The following CNKSR2 variants were observed in gnomAD, a reference collection of about 807,000 sequenced individuals.
CNKSR2 encodes the protein CNK homolog protein 2.
Under a neutral mutation model 84.4 loss-of-function variants are expected in CNKSR2, and 14 were observed. The ratio of observed to expected loss-of-function variants is 0.17; its 90% CI spans 0.11 to 0.26. The LOEUF (loss-of-function observed/expected upper bound fraction) is 0.26, where lower values mean the gene tolerates loss of function less well. Ranked by LOEUF, CNKSR2 falls within the 10% of genes least tolerant of loss-of-function variation. CNKSR2 has a pLI of 1.00. For synonymous variants in CNKSR2, 275 were observed against 277.9 expected, an observed-to-expected ratio of 0.99 and a Z score of 0.10; for missense variants, 485 against 771.2, an observed-to-expected ratio of 0.63 and a Z score of 4.40.
intron 13 of CNKSR2, among the ~76,000 whole-genome samples, chrX:21,571,976 G>GT (rs1189723179): frequency 8.9e-6 from 1 of 112,060 alleles, no homozygotes; most frequent in Non-Finnish European, 1.9e-5. Flanking sequence ...GAAGACAGCT[G>GT]TATTACAGAA....
chrX:21,598,011 A>T (rs1461594762), intron 17 of CNKSR2, among the ~76,000 whole-genome samples: 1 of 99,807 alleles, frequency 1.0e-5, no homozygotes, highest in African/African-American at 3.9e-5. Context: ...TCATACACAT[A>T]TATATATATA....
chrX:21,403,059 G>A (rs940351326), intron 1 of CNKSR2, among the ~76,000 whole-genome samples: 4 of 111,087 alleles, frequency 3.6e-5, no homozygotes, highest in African/African-American at 1.3e-4. Context: ...GCCTCCAAGT[G>A]GATTAGGTAT....
At chrX:21,474,347 A>G (rs1302012233) in intron 5 of CNKSR2, among the ~76,000 whole-genome samples, 2 of 111,538 alleles carry the variant, frequency 1.8e-5, no homozygotes, top group Non-Finnish European at 3.8e-5. Flanking sequence ...GACTCAGAAG[A>G]GACACTGGGA....
chrX:21,543,433 A>G (rs2091993982), intron 11 of CNKSR2, among the ~76,000 whole-genome samples: 1 of 112,639 alleles, frequency 8.9e-6, no homozygotes, highest in Admixed American at 9.4e-5. Flanking sequence ...GGTTAGCCTC[A>G]CAAAATAATT....
At chrX:21,416,199 T>C (rs1378315296) in intron 1 of CNKSR2, among the ~76,000 whole-genome samples, 1 of 112,076 alleles carries the variant, frequency 8.9e-6, no homozygotes, top group African/African-American at 3.2e-5. Context: ...AATGAAATGA[T>C]CAGATGGTTT....
chrX:21,532,123 A>C, intron 11 of CNKSR2, 56 bp downstream of exon 11: 5 of 894,440 alleles, frequency 5.6e-6, no homozygotes, highest in South Asian at 2.7e-5. Flanking sequence ...TAGGAATCTC[A>C]ATTTCCTTTA....
intron 5 of CNKSR2, among the ~76,000 whole-genome samples, chrX:21,477,475 G>T: frequency 9.2e-6 from 1 of 108,116 alleles, no homozygotes; most frequent in Admixed American, 9.9e-5. Flanking sequence ...GGCTTATTTT[G>T]GCATGTTAAG....
chrX:21,574,254 CT>C (rs1239242202), intron 13 of CNKSR2, among the ~76,000 whole-genome samples: 1 of 112,028 alleles, frequency 8.9e-6, no homozygotes, highest in African/African-American at 3.2e-5. Flanking sequence ...TCTTCCGAGT[CT>C]TCTAAACTGT....
intron 1 of CNKSR2, among the ~76,000 whole-genome samples, chrX:21,390,356 A>G (rs2146964129): frequency 9.0e-6 from 1 of 111,555 alleles, no homozygotes; most frequent in South Asian, 3.8e-4. Flanking sequence ...ATTTATAATG[A>G]AAAGAGGTTT....
intron 17 of CNKSR2, 31 bp downstream of exon 17, chrX:21,595,426 G>A: frequency 2.3e-6 from 2 of 869,431 alleles, no homozygotes; most frequent in Admixed American, 2.6e-5. Context: ...TAGAAGGTCA[G>A]TGAGGCCTAG....
At chrX:21,528,525 G>A (rs1181319947) in intron 10 of CNKSR2, among the ~76,000 whole-genome samples, 1 of 110,827 alleles carries the variant, frequency 9.0e-6, no homozygotes, top group Non-Finnish European at 1.9e-5. Flanking sequence ...ACACTTAAGA[G>A]GACAAAAGAG....
chrX:21,591,423 T>G (rs2092419990), intron 15 of CNKSR2: 1 of 235,614 alleles, frequency 4.2e-6, no homozygotes, highest in Non-Finnish European at 7.7e-6. Context: ...AGATAAAGTG[T>G]AGTAAAATTC....
intron 11 of CNKSR2, among the ~76,000 whole-genome samples, chrX:21,548,689 C>A (rs1321713080): frequency 3.6e-5 from 4 of 111,794 alleles, no homozygotes; most frequent in Non-Finnish European, 7.5e-5. Context: ...ACTGGCAAAC[C>A]AAATCCAGCA....
intron 13 of CNKSR2, among the ~76,000 whole-genome samples, chrX:21,573,548 T>G (rs1322198507): frequency 8.9e-6 from 1 of 112,031 alleles, no homozygotes; most frequent in Non-Finnish European, 1.9e-5. Flanking sequence ...AAGCCTCAAT[T>G]CTTGACTTCT....
chrX:21,375,454 TG>T, intron 1 of CNKSR2, among the ~76,000 whole-genome samples: 1 of 112,034 alleles, frequency 8.9e-6, no homozygotes. Flanking sequence ...GCCCACATAA[TG>T]GGGTCAGGAC....
intron 4 of CNKSR2, among the ~76,000 whole-genome samples, chrX:21,450,907 C>T (rs2090919562): frequency 8.9e-6 from 1 of 112,013 alleles, no homozygotes; most frequent in Non-Finnish European, 1.9e-5. Context: ...CTTCTGAGAT[C>T]AAGCAGATTG....
intron 5 of CNKSR2, among the ~76,000 whole-genome samples, chrX:21,482,098 G>A (rs923323336): frequency 1.8e-5 from 2 of 111,349 alleles, no homozygotes; most frequent in Admixed American, 9.5e-5. Flanking sequence ...ACCTAATACA[G>A]TATCATTAAT....
chrX:21,628,511 G>T (rs887973388), intron 20 of CNKSR2, among the ~76,000 whole-genome samples: 48 of 111,802 alleles, frequency 4.3e-4, no homozygotes, highest in Non-Finnish European at 7.0e-4. Flanking sequence ...GCATCCAGGC[G>T]TTTCCATACA....
At chrX:21,433,931 CATT>C (rs1331332732) in intron 3 of CNKSR2, among the ~76,000 whole-genome samples, 2 of 110,592 alleles carry the variant, frequency 1.8e-5, no homozygotes, top group Non-Finnish European at 3.8e-5. Flanking sequence ...TGCATTATAA[CATT>C]ATTAAAATTT....
Sources: gnomAD v4.1 joint callset for allele counts (sites outside exome capture counted in the v4.1 genomes callset) on GRCh38, gnomAD v4.1.1 for gene constraint, MANE v1.5 for transcripts, NCBI Gene and HGNC (gene_info 2026-07-23, HGNC 2026-07-21) for gene names.